Variants in BBS9 observed in about 807,000 individuals in gnomAD.
The protein encoded by BBS9 is protein PTHB1.
In BBS9, 89 loss-of-function variants were observed where a neutral mutation model predicts 117.7. That is an observed-to-expected ratio of 0.76 (90% CI 0.64 to 0.90). BBS9 has a LOEUF of 0.90. Among genes scored for constraint, BBS9 ranks in the 40% least tolerant of loss-of-function variants. BBS9 has a pLI of 0.00. For synonymous variants in BBS9, 379 were observed against 370.9 expected, an observed-to-expected ratio of 1.02 and a Z score of -0.25; for missense variants, 982 against 1,042.2, an observed-to-expected ratio of 0.94 and a Z score of 0.80.
At chr7:33,331,037 C>G (rs35067143) in intron 9 of BBS9, among the ~76,000 whole-genome samples, 1 of 151,908 alleles carries the variant, frequency 6.6e-6, no homozygotes, top group Non-Finnish European at 1.5e-5. Flanking sequence ...ACTAGCTAAC[C>G]GAATCTAACA....
chr7:33,619,183 C>T (rs1562536432), intron 21 of BBS9, among the ~76,000 whole-genome samples: 1 of 151,916 alleles, frequency 6.6e-6, no homozygotes. Flanking sequence ...AAACTGTAGA[C>T]AAAAGAGAGC....
intron 19 of BBS9, among the ~76,000 whole-genome samples, chr7:33,459,498 GCT>G (rs965582753): frequency 6.6e-6 from 1 of 152,068 alleles, no homozygotes; most frequent in Non-Finnish European, 1.5e-5. Flanking sequence ...GAGAAGCTCT[GCT>G]CTATAGGAAG....
At chr7:33,362,811 G>T (rs1820871492) in intron 16 of BBS9, among the ~76,000 whole-genome samples, 1 of 152,148 alleles carries the variant, frequency 6.6e-6, no homozygotes, top group South Asian at 2.1e-4. Context: ...TTGGGATTTT[G>T]ATTGGGATTG....
chr7:33,527,564 C>A (rs1370456931), intron 20 of BBS9, among the ~76,000 whole-genome samples: 1 of 152,238 alleles, frequency 6.6e-6, no homozygotes, highest in Non-Finnish European at 1.5e-5. Flanking sequence ...TCCCTGACCC[C>A]TTGCGCTTCC....
chr7:33,430,426 G>A (rs1004194518), intron 19 of BBS9, among the ~76,000 whole-genome samples: 1 of 152,074 alleles, frequency 6.6e-6, no homozygotes, highest in Non-Finnish European at 1.5e-5. Context: ...GTTCTCTACT[G>A]TATCCCTAGC....
intron 19 of BBS9, among the ~76,000 whole-genome samples, chr7:33,408,083 G>C (rs1196518054): frequency 6.6e-6 from 1 of 152,228 alleles, no homozygotes; most frequent in African/African-American, 2.4e-5. Flanking sequence ...GCTGTGGTGG[G>C]CTCCACCCAG....
At chr7:33,535,345 T>C in intron 21 of BBS9, among the ~76,000 whole-genome samples, 1 of 152,188 alleles carries the variant, frequency 6.6e-6, no homozygotes, top group Non-Finnish European at 1.5e-5. Context: ...ATTTAAGCTG[T>C]AATTATTATC....
chr7:33,306,143 T>A (rs2128537909), intron 9 of BBS9, among the ~76,000 whole-genome samples: 1 of 152,254 alleles, frequency 6.6e-6, no homozygotes, highest in Non-Finnish European at 1.5e-5. Flanking sequence ...CTTAATTTCT[T>A]CATTGACCCA....
chr7:33,383,412 A>G (rs1825435680), intron 17 of BBS9, among the ~76,000 whole-genome samples: 1 of 152,212 alleles, frequency 6.6e-6, no homozygotes, highest in South Asian at 2.1e-4. Context: ...ATTATAAGAT[A>G]TATAACAAAA....
At chr7:33,237,972 C>T (rs563912685) in intron 5 of BBS9, among the ~76,000 whole-genome samples, 1 of 152,274 alleles carries the variant, frequency 6.6e-6, no homozygotes, top group African/African-American at 2.4e-5. Context: ...TCTTCCTCTC[C>T]TCCCTCATCC....
chr7:33,546,252 TTTCA>T (rs1393549629), intron 21 of BBS9, among the ~76,000 whole-genome samples: 1 of 152,096 alleles, frequency 6.6e-6, no homozygotes, highest in Non-Finnish European at 1.5e-5. Context: ...TTTTTTAAAC[TTTCA>T]TTAGGTTATT....
rs1371651713 is a variant in BBS9, at chr7:33,601,890, G to C, written c.2522-2975G>C. On this transcript the variant is annotated intron_variant, in intron 21 of 22. Coordinates refer to ENST00000242067, the MANE Select transcript of BBS9 (RefSeq NM_198428.3). Reference sequence around the variant, plus strand: ...AAGCATAAGTAATTGCACACCAGGGGCTATTACCATCCCGTTCACCTCCAG... The same window carrying C: ...AAGCATAAGTAATTGCACACCAGGGCCTATTACCATCCCGTTCACCTCCAG... Among the ~76,000 whole-genome samples, 4 of 152,252 alleles carry C rather than the reference G, an allele frequency of 2.6e-5. No homozygotes were observed. The East Asian group carries it at 7.7e-4, about 29-fold the overall frequency.
intron 20 of BBS9, among the ~76,000 whole-genome samples, chr7:33,517,163 A>G (rs1254464220): frequency 6.6e-6 from 1 of 152,274 alleles, no homozygotes; most frequent in Non-Finnish European, 1.5e-5. Flanking sequence ...ACACACCCAA[A>G]TAAGATATGC....
intron 19 of BBS9, among the ~76,000 whole-genome samples, chr7:33,461,674 A>G (rs1353163395): frequency 2.0e-5 from 3 of 152,048 alleles, no homozygotes; most frequent in Non-Finnish European, 4.4e-5. Context: ...CAAAAATTAA[A>G]AAATTAGGCT....
chr7:33,355,805 C>T (rs1344014670), intron 15 of BBS9, among the ~76,000 whole-genome samples: 2 of 151,826 alleles, frequency 1.3e-5, no homozygotes, highest in African/African-American at 4.8e-5. Flanking sequence ...GTTTCTTTAG[C>T]TCTGGGTTCG....
intron 7 of BBS9, among the ~76,000 whole-genome samples, chr7:33,264,585 G>A (rs576506993): frequency 3.5e-4 from 53 of 152,156 alleles, no homozygotes; most frequent in African/African-American, 1.1e-3. Flanking sequence ...ATAACAGATT[G>A]TAGAGTTGTA....
intron 9 of BBS9, among the ~76,000 whole-genome samples, chr7:33,316,514 G>C (rs1224330543): frequency 6.6e-6 from 1 of 152,172 alleles, no homozygotes; most frequent in Non-Finnish European, 1.5e-5. Flanking sequence ...ATTCCTACTA[G>C]TGATATGACA....
At chr7:33,191,285 G>A (rs1415063981) in intron 5 of BBS9, among the ~76,000 whole-genome samples, 1 of 152,164 alleles carries the variant, frequency 6.6e-6, no homozygotes, top group Admixed American at 6.5e-5. Flanking sequence ...TATGTTTAAA[G>A]CAATTGATAT....
At chr7:33,340,146 A>C (rs1584402550) in intron 10 of BBS9, among the ~76,000 whole-genome samples, 1 of 152,054 alleles carries the variant, frequency 6.6e-6, no homozygotes, top group African/African-American at 2.4e-5. Context: ...TGAAAGGTGA[A>C]TCTTTGTTCA....
Sources: allele counts gnomAD v4.1 joint callset (sites outside exome capture counted in the v4.1 genomes callset), GRCh38; gene constraint gnomAD v4.1.1; transcripts MANE v1.5; gene names NCBI Gene and HGNC (gene_info 2026-07-23, HGNC 2026-07-21).